CAMK1D: variants seen among roughly 807,000 people sequenced by gnomAD.
The protein encoded by CAMK1D is calcium/calmodulin-dependent protein kinase type 1D.
A neutral mutation model predicts 47.7 loss-of-function variants in CAMK1D; 9 were observed. The ratio of observed to expected loss-of-function variants is 0.19; its 90% confidence interval spans 0.11 to 0.33. CAMK1D has a LOEUF of 0.33. Among genes scored for constraint, CAMK1D ranks in the 10% least tolerant of loss-of-function variants. The pLI is 1.00. For missense variants in CAMK1D, 291 were observed against 488.7 expected (o/e 0.60, Z 3.81); for synonymous variants, 184 against 184.9 (o/e 0.99, Z 0.04).
intron 1 of CAMK1D, among the ~76,000 whole-genome samples, chr10:12,459,365 G>T (rs529640695): frequency 2.0e-5 from 3 of 152,238 alleles, no homozygotes; most frequent in East Asian, 3.9e-4. Context: ...TTATTCTGGG[G>T]TTAATGTTCT....
At chr10:12,508,318 A>G (rs1037691450) in intron 1 of CAMK1D, among the ~76,000 whole-genome samples, 2 of 152,376 alleles carry the variant, frequency 1.3e-5, no homozygotes, top group South Asian at 2.1e-4. Flanking sequence ...ATATTATGCA[A>G]CCTTACAAAA....
chr10:12,708,220 C>A (rs1487305513), intron 3 of CAMK1D, among the ~76,000 whole-genome samples: 1 of 152,188 alleles, frequency 6.6e-6, no homozygotes, highest in Non-Finnish European at 1.5e-5. Context: ...TGCTGTGGGG[C>A]TAGTATCCTG....
chr10:12,807,836 G>A (rs1472029381), intron 6 of CAMK1D, among the ~76,000 whole-genome samples: 1 of 152,094 alleles, frequency 6.6e-6, no homozygotes, highest in Non-Finnish European at 1.5e-5. Context: ...GCTGCAGCAA[G>A]TTGGCCACTC....
At chr10:12,648,662 G>A (rs2132504464) in intron 2 of CAMK1D, among the ~76,000 whole-genome samples, 1 of 152,136 alleles carries the variant, frequency 6.6e-6, no homozygotes, top group Non-Finnish European at 1.5e-5. Flanking sequence ...GTAGAGGTGG[G>A]GTTTCGCTAT....
At chr10:12,759,544 C>A (rs996126200) in intron 3 of CAMK1D, among the ~76,000 whole-genome samples, 1 of 152,156 alleles carries the variant, frequency 6.6e-6, no homozygotes, top group African/African-American at 2.4e-5. Context: ...TCTTGGCTTA[C>A]CTAAGCATGG....
At chr10:12,606,976 C>T (rs1004675201) in intron 2 of CAMK1D, among the ~76,000 whole-genome samples, 3 of 152,052 alleles carry the variant, frequency 2.0e-5, no homozygotes, top group African/African-American at 7.2e-5. Context: ...TACAGGCGTC[C>T]ACCACCATAC....
At chr10:12,444,967 A>G (rs930733758) in intron 1 of CAMK1D, among the ~76,000 whole-genome samples, 79 of 152,224 alleles carry the variant, frequency 5.2e-4, no homozygotes, top group Non-Finnish European at 8.1e-4. Flanking sequence ...TTTTCCCCAC[A>G]AGAGACAGCT....
intron 2 of CAMK1D, among the ~76,000 whole-genome samples, chr10:12,576,866 T>C (rs1837504421): frequency 6.6e-6 from 1 of 152,124 alleles, no homozygotes; most frequent in Non-Finnish European, 1.5e-5. Context: ...GTCCTGTGCA[T>C]GTCAGTCAGT....
intron 1 of CAMK1D, among the ~76,000 whole-genome samples, chr10:12,422,774 G>A (rs1044148599): frequency 2.0e-5 from 3 of 151,988 alleles, no homozygotes; most frequent in Admixed American, 2.0e-4. Context: ...CTGGGTTCAA[G>A]TGATTCTCTT....
intron 3 of CAMK1D, among the ~76,000 whole-genome samples, chr10:12,731,718 A>T (rs1023091997): frequency 2.0e-5 from 3 of 152,212 alleles, no homozygotes; most frequent in African/African-American, 7.2e-5. Flanking sequence ...TAGTGAAAAG[A>T]TGACAGATGG....
chr10:12,559,250 C>G (rs1256438200), intron 2 of CAMK1D, among the ~76,000 whole-genome samples: 1 of 151,880 alleles, frequency 6.6e-6, no homozygotes, highest in Non-Finnish European at 1.5e-5. Flanking sequence ...AGGCTGTACT[C>G]CAGTTTGGGT....
At chr10:12,639,134 A>G (rs1431796495) in intron 2 of CAMK1D, among the ~76,000 whole-genome samples, 1 of 152,262 alleles carries the variant, frequency 6.6e-6, no homozygotes, top group African/African-American at 2.4e-5. Context: ...CTCCCGCCTC[A>G]GAAAGAGAAA....
intron 1 of CAMK1D, among the ~76,000 whole-genome samples, chr10:12,507,925 A>G (rs1455098373): frequency 1.3e-5 from 2 of 151,852 alleles, no homozygotes; most frequent in Non-Finnish European, 2.9e-5. Context: ...CTCTTCCCCA[A>G]GCCTCTACAC....
At chr10:12,458,184 G>C (rs1344579541) in intron 1 of CAMK1D, among the ~76,000 whole-genome samples, 1 of 152,212 alleles carries the variant, frequency 6.6e-6, no homozygotes, top group Admixed American at 6.5e-5. Flanking sequence ...ACTGTCTGCT[G>C]TTGCACATGC....
In CAMK1D at chr10:12,383,312, C is replaced by CT. The variant is rs199593867; in HGVS notation, c.92+33405dup. Among the ~76,000 whole-genome samples, 1,051 of 151,752 alleles carry CT rather than the reference C, an allele frequency of 6.9e-3. 2 individuals carry two copies. The highest frequency in any genetic ancestry group is 0.012 in the Non-Finnish European group (795 of 67,976). On this transcript the variant is annotated intron_variant, in intron 1 of 10. Coordinates refer to ENST00000619168, the MANE Select transcript of CAMK1D (RefSeq NM_153498.4). The stretch of plus-strand genomic sequence containing the variant: ...AAAGAGCTTTTTGTGGTGGAACTAA[C>CT]TTTGGTGAGCAACAGAATAAGAACT...
chr10:12,371,432 C>T (rs1388971717), intron 1 of CAMK1D, among the ~76,000 whole-genome samples: 9 of 151,292 alleles, frequency 5.9e-5, no homozygotes, highest in Middle Eastern at 6.3e-3. Flanking sequence ...AAAAATTAGT[C>T]GGGCTTAGTG....
At chr10:12,391,719 A>G (rs544558608) in intron 1 of CAMK1D, among the ~76,000 whole-genome samples, 12 of 152,288 alleles carry the variant, frequency 7.9e-5, no homozygotes, top group South Asian at 2.1e-4. Context: ...TAAGAATTCT[A>G]TCTTCCTCAC....
chr10:12,496,867 T>C (rs1048926294), intron 1 of CAMK1D, among the ~76,000 whole-genome samples: 1 of 152,156 alleles, frequency 6.6e-6, no homozygotes, highest in African/African-American at 2.4e-5. Flanking sequence ...ATTAGCTATT[T>C]TCCCTAATGC....
chr10:12,711,072 T>C (rs988573135), intron 3 of CAMK1D, among the ~76,000 whole-genome samples: 7 of 152,352 alleles, frequency 4.6e-5, no homozygotes, highest in African/African-American at 1.2e-4. Context: ...AAGTCTGTCC[T>C]CTTTTTCTCC....
Sources: gnomAD v4.1 joint callset for allele counts (sites outside exome capture counted in the v4.1 genomes callset) on GRCh38, gnomAD v4.1.1 for gene constraint, MANE v1.5 for transcripts, NCBI Gene and HGNC (gene_info 2026-07-23, HGNC 2026-07-21) for gene names.